Variants in CNTN5 observed in about 807,000 individuals in gnomAD.
The protein encoded by CNTN5 is contactin-5.
Under a neutral mutation model 129.1 loss-of-function variants are expected in CNTN5, and 77 were observed. The ratio of observed to expected loss-of-function variants is 0.60; its 90% CI spans 0.50 to 0.72. The LOEUF (loss-of-function observed/expected upper bound fraction) is 0.72. Ranked by LOEUF, CNTN5 falls within the 30% of genes least tolerant of loss-of-function variation. The pLI is 0.00. For missense variants in CNTN5, 1,478 were observed against 1,328.8 expected, an observed-to-expected ratio of 1.11 and a Z score of -1.75; for synonymous variants, 509 against 465.6, an observed-to-expected ratio of 1.09 and a Z score of -1.20.
In CNTN5 at chr11:100,026,769, T is replaced by C. The variant is rs116823488; in HGVS notation, c.980+24633T>C. Among the ~76,000 whole-genome samples, 1,233 of 152,288 alleles carry C rather than the reference T, an allele frequency of 8.1e-3. 11 individuals are homozygous for C. Among genetic ancestry groups the C allele is most frequent in the African/African-American group, 0.025 (1,045 of 41,558 alleles). ...AGTTTTAAGAGTCCCTTTTATATTT[T>C]GGATAGTAGTCTTTTATCAGATGTC... On this transcript the variant is annotated intron_variant, in intron 9 of 24. Transcript: ENST00000524871.
At chr11:99,768,591 A>G (rs1175483332) in intron 3 of CNTN5, among the ~76,000 whole-genome samples, 1 of 152,120 alleles carries the variant, frequency 6.6e-6, no homozygotes, top group East Asian at 1.9e-4. Flanking sequence ...AATCCAAGAC[A>G]ATGGTCTTGA....
At chr11:99,244,601 C>A (rs1036042187) in intron 1 of CNTN5, among the ~76,000 whole-genome samples, 5 of 152,156 alleles carry the variant, frequency 3.3e-5, no homozygotes, top group Non-Finnish European at 4.4e-5. Context: ...ACTCAGTGAA[C>A]TACAAACTTA....
At chr11:99,957,724 A>T (rs758540613) in intron 8 of CNTN5, among the ~76,000 whole-genome samples, 7 of 152,132 alleles carry the variant, frequency 4.6e-5, no homozygotes, top group Non-Finnish European at 1.0e-4. Context: ...TGATTGTGAA[A>T]CTTAAAAAAT....
At chr11:99,720,412 A>G (rs889961012) in intron 3 of CNTN5, among the ~76,000 whole-genome samples, 1 of 151,420 alleles carries the variant, frequency 6.6e-6, no homozygotes, top group African/African-American at 2.4e-5. Flanking sequence ...CAAAAAACAC[A>G]TGATTATTTC....
rs199891447 is a variant in CNTN5 at position 100,191,203 on chromosome 11, G to T, written c.1658G>T (p.Gly553Val). Residue 553 changes from glycine to valine, a missense_variant, in exon 14 of 25, where the codon GGG (glycine) becomes GTG (valine). Gly to Val is a moderately radical substitution (Grantham distance 109). Transcript: ENST00000524871. ...GACGAGGGAAAGTACGTTTGCCGAG[G>T]GGAAAACGTCTTTGGTTCTGCTGAA... ...KSDEGKYVCR[G>V]ENVFGSAEII... 2.8e-4 allele frequency: 455 copies of T among 1,612,132 alleles called. 1 individual carries two copies. The highest frequency in any genetic ancestry group is 2.3e-4 in the Non-Finnish European group (274 of 1,178,732).
chr11:99,034,097 C>T (rs1044326830), intron 1 of CNTN5, among the ~76,000 whole-genome samples: 1 of 152,292 alleles, frequency 6.6e-6, no homozygotes, highest in Admixed American at 6.5e-5. Flanking sequence ...ATTCAACCAG[C>T]CTTGCATCCC....
At position 99,931,053 on chromosome 11, in the gene CNTN5, C is replaced by A. The variant is rs190211645; in HGVS notation, c.673+14904C>A. Among the ~76,000 whole-genome samples the A allele has an allele frequency of 2.8e-3, 427 of 152,154 alleles. 1 individual carries two copies. The highest frequency in any genetic ancestry group is 4.5e-3 in the Non-Finnish European group (304 of 67,994). ...CTGCTTCAACCTAAACTGTGTTGTC[C>A]ATTGAAGCATTTGTAACAAGTGCTT... On this transcript the variant is annotated intron_variant, in intron 7 of 24. Coordinates refer to ENST00000524871, the MANE Select transcript of CNTN5 (RefSeq NM_014361.4).
chr11:99,422,553 T>C lies in CNTN5; in HGVS notation c.-71+97069T>C, dbSNP rs932098217. On this transcript the variant is annotated intron_variant, in intron 2 of 24. Transcript: ENST00000524871. ...ATATATATATATATATATATATATA[T>C]ATATATATCTGTATTTTAATTATAC... Among the ~76,000 whole-genome samples the C allele has an allele frequency of 5.8e-4, 82 of 141,186 alleles. 1 individual carries two copies. The East Asian group carries it at 0.011, about 19-fold the overall frequency. 92.6% of individuals were successfully genotyped at this position (141,186 alleles called of 152,430 possible). A position where few individuals can be genotyped will look rare whatever the true frequency, so the allele number is the denominator to read the frequency against.
intron 4 of CNTN5, among the ~76,000 whole-genome samples, chr11:99,835,242 G>A (rs914313393): frequency 5.3e-5 from 8 of 152,162 alleles, no homozygotes; most frequent in African/African-American, 1.2e-4. Context: ...TTTATTCTTC[G>A]TAACATGAGG....
chr11:99,315,090 A>G (rs537285434), intron 1 of CNTN5, among the ~76,000 whole-genome samples: 1 of 149,390 alleles, frequency 6.7e-6, no homozygotes, highest in South Asian at 2.1e-4. Context: ...GGTAGAGAAG[A>G]CATTGATATT....
chr11:99,856,813 C>G (rs1948049611), intron 6 of CNTN5, among the ~76,000 whole-genome samples: 1 of 152,184 alleles, frequency 6.6e-6, no homozygotes, highest in African/African-American at 2.4e-5. Context: ...TATTTGGACT[C>G]TGTCATTTTT....
intron 13 of CNTN5, among the ~76,000 whole-genome samples, chr11:100,149,486 A>AAATT (rs1243620053): frequency 6.6e-6 from 1 of 152,240 alleles, no homozygotes; most frequent in Non-Finnish European, 1.5e-5. Context: ...AAATGTAAAA[A>AAATT]AATTAAAGGA....
At chr11:99,205,193 A>G (rs1463030480) in intron 1 of CNTN5, among the ~76,000 whole-genome samples, 5 of 152,150 alleles carry the variant, frequency 3.3e-5, no homozygotes, top group Non-Finnish European at 7.4e-5. Flanking sequence ...AACTCCAAGA[A>G]ACCACTGTAA....
intron 2 of CNTN5, among the ~76,000 whole-genome samples, chr11:99,342,588 A>AAAAAAAAAAAAAAAAAAAAAG: frequency 6.9e-6 from 1 of 145,442 alleles, no homozygotes; most frequent in Non-Finnish European, 1.5e-5. Flanking sequence ...AAAAAAAAAA[A>AAAAAAAAAAAAAAAAAAAAAG]AAAAAAAAAA....
At chr11:99,558,790 A>G (rs146981970) in intron 3 of CNTN5, among the ~76,000 whole-genome samples, 1 of 152,216 alleles carries the variant, frequency 6.6e-6, no homozygotes, top group Non-Finnish European at 1.5e-5. Context: ...GCAAAGCAGA[A>G]AGAAAAGTTG....
intron 21 of CNTN5, chr11:100,337,272 C>A: frequency 1.5e-6 from 2 of 1,311,916 alleles, no homozygotes; most frequent in Non-Finnish European, 2.2e-6. Flanking sequence ...ACAAAAAGAG[C>A]CTGGTAGCCT....
chr11:100,333,967 C>T (rs991274306), intron 21 of CNTN5, among the ~76,000 whole-genome samples: 3 of 152,080 alleles, frequency 2.0e-5, no homozygotes, highest in South Asian at 2.1e-4. Flanking sequence ...TTCTGCACAG[C>T]GATAGAAATA....
chr11:100,252,636 C>CA (rs1949988112), intron 16 of CNTN5, among the ~76,000 whole-genome samples: 3 of 152,068 alleles, frequency 2.0e-5, no homozygotes, highest in Non-Finnish European at 4.4e-5. Context: ...TGCATGTGAA[C>CA]ATCCAATTTT....
At chr11:99,356,214 G>A (rs938653698) in intron 2 of CNTN5, among the ~76,000 whole-genome samples, 2 of 151,940 alleles carry the variant, frequency 1.3e-5, no homozygotes, top group African/African-American at 4.8e-5. Context: ...GTTTTAGTGT[G>A]GCTTGTGGGG....
Sources: allele counts gnomAD v4.1 joint callset (sites outside exome capture counted in the v4.1 genomes callset), GRCh38; gene constraint gnomAD v4.1.1; transcripts MANE v1.5; gene names NCBI Gene and HGNC (gene_info 2026-07-23, HGNC 2026-07-21).